The following NECTIN2 variants were observed in gnomAD, a reference collection of about 807,000 sequenced individuals.
NECTIN2 encodes the protein nectin cell adhesion molecule 2, also known as nectin-2.
In NECTIN2, 23 loss-of-function variants were observed where a neutral mutation model predicts 56.9. The observed-to-expected ratio is 0.40, with a 90% CI of 0.29 to 0.57. The LOEUF (loss-of-function observed/expected upper bound fraction) is 0.57. NECTIN2 is among the 20% of genes least tolerant of loss of function. The pLI, the probability that NECTIN2 is intolerant of heterozygous loss-of-function variation, is 0.38. For synonymous variants in NECTIN2, 302 were observed against 313.8 expected, an observed-to-expected ratio of 0.96 and a Z score of 0.40; for missense variants, 587 against 718.3, an observed-to-expected ratio of 0.82 and a Z score of 2.09.
At position 44,859,495 on chromosome 19, in the gene NECTIN2, G is replaced by C. The variant is rs146827287; in HGVS notation, c.89-5776G>C. Among the ~76,000 whole-genome samples, 3 of 152,270 alleles carry C rather than the reference G, an allele frequency of 2.0e-5. No homozygotes were observed. The East Asian group carries it at 5.8e-4, about 29-fold the overall frequency. Reference sequence around the variant, plus strand: ...ATGCTGTACTGCCGTGCACAGCAGAGGAAGATTTGTTCTTGTTCTTGTTTA... The same window carrying C: ...ATGCTGTACTGCCGTGCACAGCAGACGAAGATTTGTTCTTGTTCTTGTTTA... On this transcript the variant is annotated intron_variant, in intron 1 of 8. Transcript: ENST00000252483.
At position 44,886,205 on chromosome 19, in the gene NECTIN2, T is replaced by G; in HGVS notation, c.1333T>G (p.Ser445Ala). 6.2e-7 allele frequency: 1 copy of G among 1,611,676 alleles called. No homozygotes were observed. The highest frequency in any genetic ancestry group is 8.5e-7 in the Non-Finnish European group (1 of 1,179,330). ...GACCCCCTACTTTGATGCTGGCGCC[T>G]CATGCACTGAGCAGGTAGGAGCTCA... ...LKTPYFDAGA[S>A]CTEQEMPRYH... Residue 445 changes from serine (S) to alanine (A), a missense_variant, in exon 8 of 9, where the codon TCA (serine) becomes GCA (alanine). Transcript: ENST00000252483.
chr19:44,872,251 C>G, intron 3 of NECTIN2, 102 bp downstream of exon 3: 1 of 1,321,024 alleles, frequency 7.6e-7, no homozygotes, highest in East Asian at 2.4e-5. Flanking sequence ...CGTGGGTTCC[C>G]TGAAGCCAAA....
intron 8 of NECTIN2, among the ~76,000 whole-genome samples, chr19:44,887,538 G>T (rs1203107824): frequency 6.7e-6 from 1 of 149,206 alleles, no homozygotes; most frequent in Non-Finnish European, 1.5e-5. Flanking sequence ...CCAGCTACTT[G>T]GGAGGCTGAG....
rs115920467 is a variant in NECTIN2, at chr19:44,847,465, A to C, written c.88+852A>C. Among the ~76,000 whole-genome samples, 645 of 152,162 alleles carry C rather than the reference A, an allele frequency of 4.2e-3. 2 individuals carry two copies. Among genetic ancestry groups the C allele is most frequent in the African/African-American group, 0.015 (602 of 41,514 alleles). ...ACTCGATCTCGTGGGCTTCAGACTT[A>C]ATTGTAGGCAGAGGAACGTCTTCTG... On this transcript the variant is annotated intron_variant, in intron 1 of 8. Transcript: ENST00000252483.
chr19:44,847,740 T>C (rs890037502), intron 1 of NECTIN2, among the ~76,000 whole-genome samples: 2 of 152,196 alleles, frequency 1.3e-5, no homozygotes, highest in Non-Finnish European at 1.5e-5. Context: ...CGGGCGCTCC[T>C]GGCTCCGGGT....
Position 44,867,711 on chromosome 19 carries a change from G to T in NECTIN2, c.478+2051G>T, listed in dbSNP as rs547791984. Reference sequence around the variant, plus strand: ...TTCCAGGAATGGAAAGGGGGCTGGTGAGGATAGGCAAGGGCTTGGGTGACC... The same window carrying T: ...TTCCAGGAATGGAAAGGGGGCTGGTTAGGATAGGCAAGGGCTTGGGTGACC... On this transcript the variant is annotated intron_variant, in intron 2 of 8. Coordinates refer to ENST00000252483, the MANE Select transcript of NECTIN2 (RefSeq NM_001042724.2). Among the ~76,000 whole-genome samples, 10 of 152,312 alleles carry T rather than the reference G, an allele frequency of 6.6e-5. No homozygotes were observed. In the South Asian group the frequency reaches 2.1e-3, roughly 32 times the overall value.
chr19:44,870,918 T>C (rs1396888396), intron 2 of NECTIN2, among the ~76,000 whole-genome samples: 1 of 151,982 alleles, frequency 6.6e-6, no homozygotes, highest in Non-Finnish European at 1.5e-5. Flanking sequence ...TTAGTAGAGA[T>C]GGGGTTTCAC....
intron 1 of NECTIN2, among the ~76,000 whole-genome samples, chr19:44,856,618 A>G (rs1307233618): frequency 2.0e-5 from 3 of 152,082 alleles, no homozygotes; most frequent in Admixed American, 6.6e-5. Context: ...TTGCCTAGCT[A>G]GGAAGGGGCC....
chr19:44,882,305 C>A lies in NECTIN2; in HGVS notation c.1137C>A (p.Ile379=). 1 of 1,556,726 alleles carries A rather than the reference C, an allele frequency of 6.4e-7. No individual in the cohort carries two copies. Among genetic ancestry groups the A allele is most frequent in the Non-Finnish European group, 8.7e-7 (1 of 1,150,756 alleles). Residue 379 remains isoleucine (I), a synonymous_variant, in exon 6 of 9, where the codon ATC becomes ATA. Coordinates refer to ENST00000252483, the MANE Select transcript of NECTIN2 (RefSeq NM_001042724.2). ...IIATAVAATG[I]LICRQQRKEQ... ...CTACTGCTGTGGCTGCCACGGGCAT[C>A]CTTATCTGCCGGCAGCAGCGGAAGG...
At chr19:44,880,874 G>A (rs1969300931) in intron 5 of NECTIN2, among the ~76,000 whole-genome samples, 1 of 151,506 alleles carries the variant, frequency 6.6e-6, no homozygotes, top group African/African-American at 2.4e-5. Context: ...CCAGGTTCAA[G>A]CAATTCTCCT....
At chr19:44,876,707 C>T (rs888931320) in intron 5 of NECTIN2, among the ~76,000 whole-genome samples, 5 of 152,092 alleles carry the variant, frequency 3.3e-5, no homozygotes, top group African/African-American at 7.2e-5. Context: ...ATACGAACGC[C>T]GCACCACAGG....
chr19:44,882,149 C>A, intron 5 of NECTIN2, 62 bp from the exon 6 acceptor site: 1 of 1,339,474 alleles, frequency 7.5e-7, no homozygotes, highest in Non-Finnish European at 9.7e-7. Flanking sequence ...GGGATGGTCG[C>A]TTGGAATAAG....
intron 5 of NECTIN2, among the ~76,000 whole-genome samples, chr19:44,879,695 G>A (rs576604059): frequency 1.2e-4 from 19 of 152,222 alleles, no homozygotes; most frequent in South Asian, 2.1e-4. Flanking sequence ...GTTTTTACCC[G>A]CGTCACCTCT....
At chr19:44,853,487 A>G (rs1217840457) in intron 1 of NECTIN2, among the ~76,000 whole-genome samples, 1 of 134,670 alleles carries the variant, frequency 7.4e-6, no homozygotes, top group East Asian at 2.2e-4. Flanking sequence ...GAGCCACCAC[A>G]GCTGGCCCTT....
intron 1 of NECTIN2, among the ~76,000 whole-genome samples, chr19:44,855,826 C>T (rs2122638728): frequency 6.6e-6 from 1 of 152,296 alleles, no homozygotes; most frequent in South Asian, 2.1e-4. Flanking sequence ...AGGGGAAAAA[C>T]ACAGACAAAC....
intron 5 of NECTIN2, chr19:44,878,603 C>A: frequency 6.2e-7 from 1 of 1,601,630 alleles, no homozygotes; most frequent in Non-Finnish European, 8.5e-7. Flanking sequence ...CATCTCACGG[C>A]GGGCAGTTTA....
In NECTIN2 at chr19:44,881,651, C is replaced by T. The variant is rs746212491; in HGVS notation, c.1043-560C>T. On this transcript the variant is annotated intron_variant, in intron 5 of 8. Coordinates refer to ENST00000252483, the MANE Select transcript of NECTIN2 (RefSeq NM_001042724.2). ...ACAGTTGGTGGTGATCATGCCACTGCACTCTAGCCTGGGTGACAAAGCGAG... is the reference window on the plus strand; with the variant it reads ...ACAGTTGGTGGTGATCATGCCACTGTACTCTAGCCTGGGTGACAAAGCGAG... Among the ~76,000 whole-genome samples, 18 of 152,234 alleles carry T rather than the reference C, an allele frequency of 1.2e-4. 1 individual carries two copies. The South Asian group carries it at 3.3e-3, about 28-fold the overall frequency.
In NECTIN2 at chr19:44,875,305, G is replaced by A. The variant is rs901791998; in HGVS notation, c.1042+827G>A. Among the ~76,000 whole-genome samples, 7 of 148,632 alleles carry A rather than the reference G, an allele frequency of 4.7e-5. No individual in the cohort carries two copies. The highest frequency in any genetic ancestry group is 7.5e-5 in the African/African-American group (3 of 40,098). ...TTTTGAGATGGAGTCTCGCTCTGTC[G>A]CCCAGGCTGAAGTGTAGTGGCGCAA... On this transcript the variant is annotated intron_variant, in intron 5 of 8. Coordinates refer to ENST00000252483, the MANE Select transcript of NECTIN2 (RefSeq NM_001042724.2). This position sits in a 1 kb window ranked among gnomAD's most constrained non-coding sequence, Gnocchi z 4.2.
intron 2 of NECTIN2, among the ~76,000 whole-genome samples, chr19:44,868,124 G>T (rs1242475102): frequency 6.6e-6 from 1 of 151,966 alleles, no homozygotes; most frequent in Admixed American, 6.6e-5. Context: ...CACTTTAGGA[G>T]GCCAAGGTGG....
Sources: gnomAD v4.1 joint callset for allele counts (sites outside exome capture counted in the v4.1 genomes callset) on GRCh38, gnomAD v4.1.1 for gene constraint, Gnocchi (gnomAD v3.1) non-coding constraint, MANE v1.5 for transcripts, NCBI Gene and HGNC (gene_info 2026-07-23, HGNC 2026-07-21) for gene names.